Variants in ATP10D observed in about 807,000 individuals in gnomAD.
ATP10D encodes the protein phospholipid-transporting ATPase VD.
A neutral mutation model predicts 144.8 loss-of-function variants in ATP10D; 89 were observed. The observed-to-expected ratio is 0.61, with a 90% CI of 0.52 to 0.73. The LOEUF (loss-of-function observed/expected upper bound fraction) is 0.73, where lower values mean the gene tolerates loss of function less well. ATP10D is among the 30% of genes least tolerant of loss of function. The pLI, the probability that ATP10D is intolerant of heterozygous loss-of-function variation, is 0.00. For synonymous variants in ATP10D, 571 were observed against 615.1 expected (o/e 0.93, Z 1.06); for missense variants, 1,603 against 1,714.8 (o/e 0.93, Z 1.15).
chr4:47,487,957 C>G (rs962883425), intron 1 of ATP10D, among the ~76,000 whole-genome samples: 5 of 152,044 alleles, frequency 3.3e-5, no homozygotes, highest in Non-Finnish European at 7.4e-5. Flanking sequence ...CTGCATGGTC[C>G]CATTTTGCTC....
chr4:47,545,689 C>T (rs1417656577), intron 9 of ATP10D, among the ~76,000 whole-genome samples: 1 of 152,234 alleles, frequency 6.6e-6, no homozygotes, highest in African/African-American at 2.4e-5. Flanking sequence ...TACCTATCAA[C>T]TGCTGCTTTG....
intron 22 of ATP10D, among the ~76,000 whole-genome samples, chr4:47,587,607 C>T (rs551274847): frequency 8.5e-5 from 13 of 152,176 alleles, no homozygotes; most frequent in African/African-American, 2.6e-4. Context: ...GTTTTGGAGG[C>T]TGAAAAGTCT....
At chr4:47,552,029 T>C (rs1261115820) in intron 10 of ATP10D, among the ~76,000 whole-genome samples, 1 of 152,222 alleles carries the variant, frequency 6.6e-6, no homozygotes, top group Non-Finnish European at 1.5e-5. Flanking sequence ...TTCTGGGCTC[T>C]TTTATGTATG....
intron 1 of ATP10D, among the ~76,000 whole-genome samples, chr4:47,499,921 A>G (rs769012438): frequency 4.6e-5 from 7 of 152,184 alleles, no homozygotes; most frequent in Non-Finnish European, 8.8e-5. Context: ...CCATTTTAGG[A>G]CTACATGCTC....
At chr4:47,578,197 C>T (rs911906879) in intron 19 of ATP10D, 4 of 152,180 alleles carry the variant, frequency 2.6e-5, no homozygotes, top group African/African-American at 9.7e-5. Flanking sequence ...ATTGACTTTA[C>T]CTTCTAAAAT....
intron 18 of ATP10D, among the ~76,000 whole-genome samples, chr4:47,575,706 C>G (rs544540670): frequency 2.0e-5 from 3 of 152,284 alleles, no homozygotes; most frequent in Non-Finnish European, 4.4e-5. Flanking sequence ...CTTAGTCTCT[C>G]TGTGCCTCAG....
chr4:47,562,945 A>G (rs1719401022), intron 14 of ATP10D, among the ~76,000 whole-genome samples: 1 of 152,220 alleles, frequency 6.6e-6, no homozygotes, highest in South Asian at 2.1e-4. Flanking sequence ...GGATGCCATT[A>G]TCTTAAGTGA....
At chr4:47,576,177 C>T (rs1028042415) in intron 18 of ATP10D, among the ~76,000 whole-genome samples, 1 of 151,596 alleles carries the variant, frequency 6.6e-6, no homozygotes, top group Non-Finnish European at 1.5e-5. Flanking sequence ...GTGATCCACC[C>T]GCCTCGGCCT....
chr4:47,570,358 G>A (rs1719886547), intron 16 of ATP10D, among the ~76,000 whole-genome samples: 2 of 152,194 alleles, frequency 1.3e-5, no homozygotes, highest in Admixed American at 6.5e-5. Flanking sequence ...TGAGATAGAG[G>A]CAGGGGAAAT....
chr4:47,557,575 T>C (rs1719044158), intron 11 of ATP10D, 89 bp from the exon 12 acceptor site: 3 of 1,350,510 alleles, frequency 2.2e-6, no homozygotes, highest in Non-Finnish European at 3.0e-6. Flanking sequence ...GGTAACTCTT[T>C]TTATATCTAA....
intron 11 of ATP10D, 147 bp downstream of exon 11, chr4:47,555,061 G>A: frequency 1.3e-6 from 1 of 768,594 alleles, no homozygotes; most frequent in South Asian, 2.0e-5. Context: ...TCTGTGCTCT[G>A]CACTTACCAT....
chr4:47,515,146 A>G (rs1431627566), intron 2 of ATP10D, among the ~76,000 whole-genome samples: 2 of 151,974 alleles, frequency 1.3e-5, no homozygotes, highest in Admixed American at 1.3e-4. Flanking sequence ...TTTTTAGTAG[A>G]GACGGGGTTT....
chr4:47,493,862 T>C (rs781291845), intron 1 of ATP10D, among the ~76,000 whole-genome samples: 3 of 152,176 alleles, frequency 2.0e-5, no homozygotes, highest in Non-Finnish European at 4.4e-5. Context: ...GATTCTGATC[T>C]GTGATAAAGC....
chr4:47,540,710 T>A (rs1459050133), intron 9 of ATP10D, among the ~76,000 whole-genome samples: 3 of 152,192 alleles, frequency 2.0e-5, no homozygotes, highest in Non-Finnish European at 4.4e-5. Context: ...ACATTATTAT[T>A]AATTGAAACC....
intron 1 of ATP10D, among the ~76,000 whole-genome samples, chr4:47,508,127 C>T (rs931795720): frequency 3.3e-5 from 5 of 152,134 alleles, no homozygotes; most frequent in South Asian, 2.1e-4. Context: ...TCTTGGGCAA[C>T]AGAGGACAAG....
At chr4:47,509,943 GGTGTGTGTGTGTGT>G (rs67386792) in intron 1 of ATP10D, among the ~76,000 whole-genome samples, 2 of 143,816 alleles carry the variant, frequency 1.4e-5, no homozygotes, top group African/African-American at 2.6e-5. Context: ...TTGTTTCAGG[GGTGTGTGTGTGTGT>G]GTGTGTGTGT....
At chr4:47,565,500 C>T (rs987856411) in intron 15 of ATP10D, among the ~76,000 whole-genome samples, 1 of 152,096 alleles carries the variant, frequency 6.6e-6, no homozygotes, top group Non-Finnish European at 1.5e-5. Context: ...CTTGGCCTGC[C>T]GCTGACTGAG....
intron 1 of ATP10D, among the ~76,000 whole-genome samples, chr4:47,509,951 T>C (rs986223992): frequency 7.6e-6 from 1 of 132,428 alleles, no homozygotes; most frequent in Non-Finnish European, 1.6e-5. Flanking sequence ...GGGGTGTGTG[T>C]GTGTGTGTGT....
At position 47,489,905 on chromosome 4, in the gene ATP10D, T is replaced by C. The variant is rs78739597; in HGVS notation, c.-38+4386T>C. ...TAATTAAATACTCCTTAATTTCTTT[T>C]TCTAAAGTCTGCTTATTCAGCTTAA... On this transcript the variant is annotated intron_variant, in intron 1 of 22. Transcript: ENST00000273859. Among the ~76,000 whole-genome samples the C allele has an allele frequency of 8.7e-4, 133 of 152,346 alleles. 1 individual carries two copies. The East Asian group carries it at 0.022, about 25-fold the overall frequency.
Sources: allele counts gnomAD v4.1 joint callset (sites outside exome capture counted in the v4.1 genomes callset), GRCh38; gene constraint gnomAD v4.1.1; transcripts MANE v1.5; gene names NCBI Gene and HGNC (gene_info 2026-07-23, HGNC 2026-07-21).